LSM11: variants seen among roughly 807,000 people sequenced by gnomAD.
The protein encoded by LSM11 is U7 snRNA-associated Sm-like protein LSm11.
Under a neutral mutation model 28.1 loss-of-function variants are expected in LSM11, and 14 were observed. The ratio of observed to expected loss-of-function variants is 0.50; its 90% CI spans 0.33 to 0.78. The LOEUF is 0.78. Among genes scored for constraint, LSM11 ranks in the 30% least tolerant of loss-of-function variants. The pLI, the probability that LSM11 is intolerant of heterozygous loss-of-function variation, is 0.02. For missense variants in LSM11, 495 were observed against 510.6 expected (o/e 0.97, Z 0.30); for synonymous variants, 207 against 214.2 (o/e 0.97, Z 0.30).
At chr5:157,747,900 C>G (rs1761170578) in intron 1 of LSM11, among the ~76,000 whole-genome samples, 1 of 152,122 alleles carries the variant, frequency 6.6e-6, no homozygotes, top group Non-Finnish European at 1.5e-5. Context: ...AAAATTCAGC[C>G]TTGTCACTTT....
intron 1 of LSM11, 62 bp from the exon 2 acceptor site, chr5:157,751,328 G>C: frequency 6.7e-7 from 1 of 1,498,238 alleles, no homozygotes; most frequent in Non-Finnish European, 8.9e-7. Flanking sequence ...GGTGGTCGTG[G>C]CTTAATTCTG....
At chr5:157,751,267 A>T in intron 1 of LSM11, 123 bp from the exon 2 acceptor site, 1 of 1,102,580 alleles carries the variant, frequency 9.1e-7, no homozygotes, top group Non-Finnish European at 1.3e-6. Context: ...TTCCTGTTCC[A>T]ATAGTGAGAT....
At position 157,744,053 on chromosome 5, in the gene LSM11, C is replaced by A; in HGVS notation, c.303C>A (p.Asp101Glu). ...CGGGCAGGACTCGTCGCCGCCCGGACGCGCCCGCCCCGGACCCCGAGCGCA... is the reference window on the plus strand; with the variant it reads ...CGGGCAGGACTCGTCGCCGCCCGGAAGCGCCCGCCCCGGACCCCGAGCGCA... ...GPSGRTRRRP[D>E]APAPDPERIQ... Residue 101 changes from aspartate (D) to glutamate (E), a missense_variant, in exon 1 of 4, where the codon GAC becomes GAA. Transcript: ENST00000286307. 6.9e-7 allele frequency: 1 copy of A among 1,440,568 alleles called. No homozygotes were observed. The highest frequency in any genetic ancestry group is 9.1e-7 in the Non-Finnish European group (1 of 1,096,824). The allele number at this position is 1,440,568 out of a possible 1,614,324, so 89.2% of individuals were successfully genotyped here.
chr5:157,746,235 A>T (rs1197421611), intron 1 of LSM11, among the ~76,000 whole-genome samples: 1 of 152,260 alleles, frequency 6.6e-6, no homozygotes, highest in African/African-American at 2.4e-5. Flanking sequence ...GGACATATAC[A>T]AATGCTTTCT....
intron 2 of LSM11, among the ~76,000 whole-genome samples, chr5:157,752,660 A>C (rs1761256449): frequency 6.6e-6 from 1 of 151,606 alleles, no homozygotes; most frequent in South Asian, 2.1e-4. Context: ...AGCCTGGCCA[A>C]CATAGGGAAA....
Position 157,750,190 on chromosome 5 carries a change from G to A in LSM11, c.449-1200G>A, listed in dbSNP as rs117923350. On this transcript the variant is annotated intron_variant, in intron 1 of 3. Coordinates refer to ENST00000286307, the MANE Select transcript of LSM11 (RefSeq NM_173491.4). ...CGCTTGAGCCAGGGAGGTCAAGGCT[G>A]GAGTGAGCTGTGATTGTGCCACTGC... Among the ~76,000 whole-genome samples the A allele has an allele frequency of 1.6e-4, 25 of 152,314 alleles. No individual in the cohort carries two copies. In the East Asian group the frequency reaches 4.8e-3, roughly 29 times the overall value.
At chr5:157,751,276 A>T in intron 1 of LSM11, 114 bp from the exon 2 acceptor site, 1 of 1,196,074 alleles carries the variant, frequency 8.4e-7, no homozygotes, top group Non-Finnish European at 1.1e-6. Flanking sequence ...CAATAGTGAG[A>T]TTGTCACTCT....
In LSM11 at chr5:157,759,211, A is replaced by G. The variant is rs1233788893; in HGVS notation, c.*3947A>G. The G allele has an allele frequency of 6.6e-6, 1 of 152,220 alleles. No individual in the cohort carries two copies. Among genetic ancestry groups the G allele is most frequent in the Non-Finnish European group, 1.5e-5 (1 of 68,034 alleles). 9.4% of individuals were successfully genotyped at this position (152,220 alleles called of 1,614,324 possible). A position where few individuals can be genotyped will look rare whatever the true frequency, so the allele number is the denominator to read the frequency against. On this transcript the variant is annotated 3_prime_UTR_variant, in exon 4 of 4. Coordinates refer to ENST00000286307, the MANE Select transcript of LSM11 (RefSeq NM_173491.4). ...GTTGTGGATAGGAGTGGCTCCATCT[A>G]TCCTTGTGGTGAAAGAGTCCAGGAG...
chr5:157,749,324 G>GT (rs1761190786), intron 1 of LSM11, among the ~76,000 whole-genome samples: 2 of 152,138 alleles, frequency 1.3e-5, no homozygotes, highest in Admixed American at 6.6e-5. Context: ...AGGGCAGGGG[G>GT]CAGTATATAT....
In LSM11 at chr5:157,760,468, GTT is replaced by G. The variant is rs972543443; in HGVS notation, c.*5210_*5211del. On this transcript the variant is annotated 3_prime_UTR_variant, in exon 4 of 4. Transcript: ENST00000286307. Reference sequence around the variant, plus strand: ...CTCCTCTGCACCATAACTTATTAATGTTTTTTTAGACAAGGCTAAACCTGAAT... The same window carrying G: ...CTCCTCTGCACCATAACTTATTAATGTTTTTAGACAAGGCTAAACCTGAAT... 4 of 152,116 alleles carry G rather than the reference GTT, an allele frequency of 2.6e-5. No homozygotes were observed. Among genetic ancestry groups the G allele is most frequent in the African/African-American group, 9.7e-5 (4 of 41,414 alleles). The allele number at this position is 152,116 out of a possible 1,614,324, so 9.4% of individuals were successfully genotyped here. A position where few individuals can be genotyped will look rare whatever the true frequency, so the allele number is the denominator to read the frequency against.
At chr5:157,744,275 G>T in intron 1 of LSM11, 77 bp downstream of exon 1, 1 of 1,133,402 alleles carries the variant, frequency 8.8e-7, no homozygotes. Context: ...CTGCGGGGCG[G>T]CGGTGGCCGG....
chr5:157,745,202 T>C (rs1484451786), intron 1 of LSM11, among the ~76,000 whole-genome samples: 1 of 152,238 alleles, frequency 6.6e-6, no homozygotes, highest in Non-Finnish European at 1.5e-5. Context: ...AATGACCTAC[T>C]TAGCCATTCA....
In LSM11 at chr5:157,760,010, A is replaced by C. The variant is rs1328633233; in HGVS notation, c.*4746A>C. ...GTTTGAAGATCTGCGGGGAAAAATAAGTGTGCACCTGAGACCTTCAGTTAG... is the reference window on the plus strand; with the variant it reads ...GTTTGAAGATCTGCGGGGAAAAATACGTGTGCACCTGAGACCTTCAGTTAG... On this transcript the variant is annotated 3_prime_UTR_variant, in exon 4 of 4. Transcript: ENST00000286307. 2 of 152,238 alleles carry C rather than the reference A, an allele frequency of 1.3e-5. No individual in the cohort carries two copies. The highest frequency in any genetic ancestry group is 2.9e-5 in the Non-Finnish European group (2 of 68,042). 9.4% of individuals were successfully genotyped at this position (152,238 alleles called of 1,614,324 possible). A position where few individuals can be genotyped will look rare whatever the true frequency, so the allele number is the denominator to read the frequency against.
Position 157,756,570 on chromosome 5 carries a change from A to T in LSM11, c.*1306A>T, listed in dbSNP as rs1471488909. 1 of 152,592 alleles carries T rather than the reference A, an allele frequency of 6.6e-6. No homozygotes were observed. Among genetic ancestry groups the T allele is most frequent in the African/African-American group, 2.4e-5 (1 of 41,446 alleles). The allele number at this position is 152,592 out of a possible 1,614,324, so 9.5% of individuals were successfully genotyped here. On this transcript the variant is annotated 3_prime_UTR_variant, in exon 4 of 4. Coordinates refer to ENST00000286307, the MANE Select transcript of LSM11 (RefSeq NM_173491.4). ...CTTTCCCCTGCTGTATTTGTTGTGT[A>T]ACATAAATAAGCCTTCTGAGAAGCA...
chr5:157,753,131 C>T (rs1291947692), intron 2 of LSM11, among the ~76,000 whole-genome samples: 3 of 152,152 alleles, frequency 2.0e-5, no homozygotes, highest in African/African-American at 7.2e-5. Flanking sequence ...GCAGATCACA[C>T]TGTTAGTAAG....
rs2113079282 is a variant in LSM11, at chr5:157,755,595, A to G, written c.*331A>G. 2 of 447,784 alleles carry G rather than the reference A, an allele frequency of 4.5e-6. No homozygotes were observed. The highest frequency in any genetic ancestry group is 6.6e-5 in the East Asian group (2 of 30,428). The allele number at this position is 447,784 out of a possible 1,614,324, so 27.7% of individuals were successfully genotyped here. A position where few individuals can be genotyped will look rare whatever the true frequency, so the allele number is the denominator to read the frequency against. Reference sequence around the variant, plus strand: ...TATGAGTGGAATTTACATTTTAGATACTATAGGGGAAAGAAAAGTCTCAAA... The same window carrying G: ...TATGAGTGGAATTTACATTTTAGATGCTATAGGGGAAAGAAAAGTCTCAAA... On this transcript the variant is annotated 3_prime_UTR_variant, in exon 4 of 4. Coordinates refer to ENST00000286307, the MANE Select transcript of LSM11 (RefSeq NM_173491.4).
At chr5:157,749,133 G>A (rs1005603310) in intron 1 of LSM11, among the ~76,000 whole-genome samples, 10 of 152,178 alleles carry the variant, frequency 6.6e-5, no homozygotes, top group African/African-American at 1.9e-4. Flanking sequence ...AAAGGTACAC[G>A]TTTGAGAAAG....
intron 1 of LSM11, among the ~76,000 whole-genome samples, chr5:157,745,291 G>T (rs1037997690): frequency 6.6e-6 from 1 of 152,140 alleles, no homozygotes; most frequent in Non-Finnish European, 1.5e-5. Flanking sequence ...CCAAGCAAGG[G>T]ACTGTTTTGC....
In LSM11 at chr5:157,752,350, G is replaced by C. The variant is rs898855711; in HGVS notation, c.588+821G>C. Reference sequence around the variant, plus strand: ...TCACCATGTTGGCCAGGCTGGTCTTGAACTCCAGACCTCAGGTAATCCGCC... The same window carrying C: ...TCACCATGTTGGCCAGGCTGGTCTTCAACTCCAGACCTCAGGTAATCCGCC... On this transcript the variant is annotated intron_variant, in intron 2 of 3. Coordinates refer to ENST00000286307, the MANE Select transcript of LSM11 (RefSeq NM_173491.4). 2.0e-5 allele frequency among the ~76,000 whole-genome samples: 3 copies of C among 151,328 alleles called. No individual in the cohort carries two copies. In the South Asian group the frequency reaches 6.3e-4, roughly 32 times the overall value.
Sources: allele counts gnomAD v4.1 joint callset (sites outside exome capture counted in the v4.1 genomes callset), GRCh38; gene constraint gnomAD v4.1.1; transcripts MANE v1.5; gene names NCBI Gene and HGNC (gene_info 2026-07-23, HGNC 2026-07-21).